The following MCM9 variants were observed in gnomAD, a reference collection of about 807,000 sequenced individuals.
MCM9 encodes minichromosome maintenance 9 homologous recombination repair factor.
In MCM9, 55 loss-of-function variants were observed where a neutral mutation model predicts 72.8. That is an observed-to-expected ratio of 0.76 (90% CI 0.61 to 0.95). The LOEUF is 0.95. Among genes scored for constraint, MCM9 ranks in the 40% least tolerant of loss-of-function variants. MCM9 has a pLI of 0.00. For missense variants in MCM9, 1,279 were observed against 1,377.0 expected (o/e 0.93, Z 1.13); for synonymous variants, 480 against 503.4 (o/e 0.95, Z 0.62).
intron 7 of MCM9, chr6:118,912,760 C>T (rs1780644640): frequency 6.6e-6 from 1 of 152,442 alleles, no homozygotes; most frequent in Admixed American, 6.5e-5. Flanking sequence ...AAAGAGCTTT[C>T]TGCCATCTGG....
intron 8 of MCM9, among the ~76,000 whole-genome samples, chr6:118,867,826 C>A (rs991222502): frequency 5.9e-5 from 9 of 151,468 alleles, no homozygotes; most frequent in African/African-American, 2.2e-4. Context: ...ATCCAAAATA[C>A]TCTAGTAATA....
chr6:118,931,127 A>G (rs1209311401), intron 3 of MCM9, among the ~76,000 whole-genome samples: 1 of 152,210 alleles, frequency 6.6e-6, no homozygotes, highest in Non-Finnish European at 1.5e-5. Context: ...AGTAACCACA[A>G]AAGCTCATAA....
At chr6:118,898,424 A>T (rs996264180) in intron 8 of MCM9, among the ~76,000 whole-genome samples, 1 of 146,106 alleles carries the variant, frequency 6.8e-6, no homozygotes, top group Non-Finnish European at 1.5e-5. Flanking sequence ...TTTATGTAAT[A>T]ATTTTTTTTT....
Position 118,856,472 on chromosome 6 carries a change from C to T in MCM9, c.1224G>A (p.Ala408=), listed in dbSNP as rs772841173. ...LEAGALVLAD[A]GLCCIDEFNS... ...TGAACTCATCAATACAGCAAAGGCC[C>T]GCATCTGCAAGAACTAATGCCCCAG... The change falls in exon 9 of 14, where the codon GCG becomes GCA. Residue 408 remains alanine, a synonymous_variant. Coordinates refer to ENST00000619706, the MANE Select transcript of MCM9 (RefSeq NM_017696.3). The T allele has an allele frequency of 1.4e-5, 22 of 1,535,504 alleles. No homozygotes were observed. Among genetic ancestry groups the T allele is most frequent in the East Asian group, 4.9e-5 (2 of 40,926 alleles).
chr6:118,828,506 C>T (rs1774319822), intron 10 of MCM9, among the ~76,000 whole-genome samples: 1 of 152,056 alleles, frequency 6.6e-6, no homozygotes, highest in Non-Finnish European at 1.5e-5. Flanking sequence ...CTGCCTCAGC[C>T]TCTGCAGCAG....
intron 8 of MCM9, among the ~76,000 whole-genome samples, chr6:118,898,604 G>C (rs185859478): frequency 1.5e-4 from 23 of 152,116 alleles, no homozygotes; most frequent in African/African-American, 5.5e-4. Flanking sequence ...TTTTAGTAGA[G>C]ATGGGGTTTC....
In MCM9 at chr6:118,931,652, A is replaced by T; in HGVS notation, c.72T>A (p.Asp24Glu). 2 of 1,614,080 alleles carry T rather than the reference A, an allele frequency of 1.2e-6. No homozygotes were observed. Among genetic ancestry groups the T allele is most frequent in the Non-Finnish European group, 1.7e-6 (2 of 1,179,934 alleles). ...CCCTTTCCTTCAAGATTAGAAGAAT[A>T]TCATTCTTATGGTATTCCGAAACAT... ...ESYVSEYHKN[D>E]ILLILKERDE... The change falls in exon 3 of 14, where the codon GAT (aspartate) becomes GAA (glutamate). Residue 24 changes from aspartate (D) to glutamate (E), a missense_variant. Coordinates refer to ENST00000619706, the MANE Select transcript of MCM9 (RefSeq NM_017696.3).
At chr6:118,874,402 C>G (rs1044782450) in intron 8 of MCM9, among the ~76,000 whole-genome samples, 19 of 152,132 alleles carry the variant, frequency 1.2e-4, no homozygotes, top group African/African-American at 4.3e-4. Flanking sequence ...ACACAAAAAA[C>G]TCTCAGAAAA....
At position 118,924,107 on chromosome 6, in the gene MCM9, G is replaced by A. The variant is rs750745055; in HGVS notation, c.325C>T (p.Leu109=). ...GTTTTAGGTATGTGTTCCCTCACCAGCTCAGGACAGACAGGCAAACCTGAT... is the reference window on the plus strand; with the variant it reads ...GTTTTAGGTATGTGTTCCCTCACCAACTCAGGACAGACAGGCAAACCTGAT... ...RISGLPVCPE[L]VREHIPKTKD... Residue 109 remains leucine, a synonymous_variant, in exon 4 of 14, where the codon CTG becomes TTG. Transcript: ENST00000619706. 1 of 1,613,768 alleles carries A rather than the reference G, an allele frequency of 6.2e-7. No individual in the cohort carries two copies. Among genetic ancestry groups the A allele is most frequent in the South Asian group, 1.1e-5 (1 of 91,070 alleles).
chr6:118,851,074 G>A (rs1047160543), intron 9 of MCM9, among the ~76,000 whole-genome samples: 7 of 151,884 alleles, frequency 4.6e-5, no homozygotes, highest in African/African-American at 1.7e-4. Flanking sequence ...TCCTCTCTCA[G>A]TCTCTCAAAG....
chr6:118,835,208 A>G (rs969577063), intron 9 of MCM9, among the ~76,000 whole-genome samples: 9 of 152,054 alleles, frequency 5.9e-5, no homozygotes, highest in Admixed American at 2.6e-4. Flanking sequence ...ATTGGTCTAT[A>G]TATCTGTTTT....
At chr6:118,913,181 A>G (rs1780682005) in intron 7 of MCM9, 114 bp downstream of exon 7, 1 of 1,217,078 alleles carries the variant, frequency 8.2e-7, no homozygotes, top group Admixed American at 2.3e-5. Context: ...TGTCAGTTTT[A>G]TAAGATTACA....
intron 9 of MCM9, among the ~76,000 whole-genome samples, chr6:118,834,939 C>A (rs954824832): frequency 6.6e-6 from 1 of 152,156 alleles, no homozygotes. Context: ...ATCCCTATGT[C>A]CTGAATGCTA....
At chr6:118,828,733 C>A (rs1398277573) in intron 10 of MCM9, among the ~76,000 whole-genome samples, 1 of 152,172 alleles carries the variant, frequency 6.6e-6, no homozygotes, top group Admixed American at 6.5e-5. Flanking sequence ...ATTTGTTTCA[C>A]AATTCATTCT....
chr6:118,928,676 C>T (rs1460445726), intron 3 of MCM9, among the ~76,000 whole-genome samples: 1 of 143,822 alleles, frequency 7.0e-6, no homozygotes, highest in Non-Finnish European at 1.5e-5. Context: ...AGAGACCCCA[C>T]CTCTACAAAA....
chr6:118,873,064 C>T (rs546978395), intron 8 of MCM9, among the ~76,000 whole-genome samples: 135 of 151,338 alleles, frequency 8.9e-4, no homozygotes, highest in African/African-American at 3.2e-3. Flanking sequence ...GTCAGCTACT[C>T]AGGAGGCTGA....
At chr6:118,834,890 G>A in intron 9 of MCM9, among the ~76,000 whole-genome samples, 1 of 152,092 alleles carries the variant, frequency 6.6e-6, no homozygotes, top group East Asian at 1.9e-4. Context: ...GGCTTTTGTT[G>A]CCATTGCTTT....
At chr6:118,904,221 G>GA (rs1780007259) in intron 8 of MCM9, among the ~76,000 whole-genome samples, 2 of 152,044 alleles carry the variant, frequency 1.3e-5, no homozygotes, top group Non-Finnish European at 1.5e-5. Flanking sequence ...CTCCAGAAAT[G>GA]AAAAAAATGT....
chr6:118,905,660 A>G (rs1001403027), intron 8 of MCM9: 141 of 1,608,400 alleles, frequency 8.8e-5, no homozygotes, highest in Non-Finnish European at 1.2e-4. Context: ...AGGCTGATGC[A>G]CCTAATCCAG....
Sources: gnomAD v4.1 joint callset for allele counts (sites outside exome capture counted in the v4.1 genomes callset) on GRCh38, gnomAD v4.1.1 for gene constraint, MANE v1.5 for transcripts, NCBI Gene and HGNC (gene_info 2026-07-23, HGNC 2026-07-21) for gene names.